DDAH1: variants seen among roughly 807,000 people sequenced by gnomAD.
DDAH1 encodes dimethylarginine dimethylaminohydrolase 1.
In DDAH1, 19 loss-of-function variants were observed where a neutral mutation model predicts 28.8. The observed-to-expected ratio is 0.66, with a 90% CI of 0.46 to 0.97. The LOEUF (loss-of-function observed/expected upper bound fraction) is 0.97, where lower values mean the gene tolerates loss of function less well. Ranked by LOEUF, DDAH1 falls within the 50% of genes least tolerant of loss-of-function variation. The pLI, the probability that DDAH1 is intolerant of heterozygous loss-of-function variation, is 0.00. For synonymous variants in DDAH1, 153 were observed against 154.4 expected (o/e 0.99, Z 0.07); for missense variants, 326 against 375.9 (o/e 0.87, Z 1.10).
chr1:85,444,449 T>A (rs1043803522), intron 1 of DDAH1, among the ~76,000 whole-genome samples: 4 of 152,174 alleles, frequency 2.6e-5, no homozygotes, highest in African/African-American at 7.2e-5. Context: ...TGCATTGATG[T>A]TCATCCAGGA....
chr1:85,416,260 GT>G (rs149735541), intron 1 of DDAH1, among the ~76,000 whole-genome samples: 123 of 150,738 alleles, frequency 8.2e-4, no homozygotes, highest in African/African-American at 2.9e-3. Flanking sequence ...GTTTTTTTGG[GT>G]TTTTTTTTGA....
At chr1:85,395,656 G>C (rs1651775102) in intron 1 of DDAH1, among the ~76,000 whole-genome samples, 1 of 144,108 alleles carries the variant, frequency 6.9e-6, no homozygotes, top group Non-Finnish European at 1.5e-5. Context: ...TAGGCAACAA[G>C]AGTGAGACTC....
chr1:85,492,737 A>T (rs1557688710), intron 2 of DDAH1, among the ~76,000 whole-genome samples: 1 of 152,202 alleles, frequency 6.6e-6, no homozygotes, highest in Non-Finnish European at 1.5e-5. Flanking sequence ...TAATTTTTGT[A>T]TAAGTTTAAC....
chr1:85,440,207 CA>C (rs1654128500), intron 1 of DDAH1, among the ~76,000 whole-genome samples: 1 of 152,140 alleles, frequency 6.6e-6, no homozygotes, highest in Non-Finnish European at 1.5e-5. Context: ...AACAAAATAT[CA>C]TTGCATAATT....
chr1:85,410,776 A>T (rs146174389), intron 1 of DDAH1, among the ~76,000 whole-genome samples: 8 of 152,376 alleles, frequency 5.3e-5, no homozygotes, highest in Non-Finnish European at 7.3e-5. Context: ...CCTAGTCCTA[A>T]GAATACTTTG....
At chr1:85,403,313 T>C (rs943759657) in intron 1 of DDAH1, among the ~76,000 whole-genome samples, 1 of 151,582 alleles carries the variant, frequency 6.6e-6, no homozygotes, top group African/African-American at 2.4e-5. Context: ...GTATGTAAAG[T>C]AAAACAGAAT....
intron 4 of DDAH1, among the ~76,000 whole-genome samples, chr1:85,340,028 G>C (rs1648376580): frequency 6.6e-6 from 1 of 152,150 alleles, no homozygotes; most frequent in Admixed American, 6.6e-5. Context: ...AACACTGCTA[G>C]AGATGGAAGG....
intron 1 of DDAH1, among the ~76,000 whole-genome samples, chr1:85,434,652 A>G (rs1210694970): frequency 3.3e-5 from 5 of 152,132 alleles, no homozygotes; most frequent in African/African-American, 1.2e-4. Context: ...TCAGCCTCCC[A>G]AAGTGGTGGG....
At chr1:85,542,899 C>A (rs1268912955) in intron 1 of DDAH1, among the ~76,000 whole-genome samples, 2 of 152,086 alleles carry the variant, frequency 1.3e-5, no homozygotes, top group Non-Finnish European at 2.9e-5. Context: ...ATTATGTTTC[C>A]TTTTTATAAT....
intron 2 of DDAH1, among the ~76,000 whole-genome samples, chr1:85,486,789 T>C (rs1656220597): frequency 1.3e-5 from 2 of 152,130 alleles, no homozygotes; most frequent in South Asian, 4.1e-4. Flanking sequence ...GCAATGAAAA[T>C]GGCATTTAAA....
intron 1 of DDAH1, among the ~76,000 whole-genome samples, chr1:85,394,808 ATAATCT>A (rs1452167144): frequency 2.0e-5 from 3 of 148,466 alleles, no homozygotes; most frequent in Non-Finnish European, 3.0e-5. Flanking sequence ...TCAAAGTAAC[ATAATCT>A]TAAAGTCATA....
intron 1 of DDAH1, among the ~76,000 whole-genome samples, chr1:85,405,137 TTCATACTACTGTA>T (rs1221487500): frequency 2.0e-5 from 3 of 152,194 alleles, no homozygotes; most frequent in Non-Finnish European, 4.4e-5. Flanking sequence ...TAGCTGCCAC[TTCATACTACTGTA>T]TCCTAACAGC....
intron 1 of DDAH1, among the ~76,000 whole-genome samples, chr1:85,506,790 A>G (rs984931734): frequency 3.9e-5 from 6 of 152,218 alleles, no homozygotes; most frequent in African/African-American, 9.6e-5. Context: ...GAAGCAAGGT[A>G]GAGAAATGGT....
At chr1:85,388,750 A>G (rs1651401314) in intron 1 of DDAH1, among the ~76,000 whole-genome samples, 1 of 152,172 alleles carries the variant, frequency 6.6e-6, no homozygotes, top group South Asian at 2.1e-4. Flanking sequence ...TCTCTGAAAA[A>G]TGTCACAAAG....
intron 1 of DDAH1, among the ~76,000 whole-genome samples, chr1:85,565,624 A>G (rs1659275182): frequency 6.6e-6 from 1 of 152,276 alleles, no homozygotes; most frequent in Non-Finnish European, 1.5e-5. Flanking sequence ...AAAAGCTAAA[A>G]GAATCCATTG....
In DDAH1 at chr1:85,320,409, C is replaced by T. The variant is rs887776812; in HGVS notation, c.*1043G>A. On this transcript the variant is annotated 3_prime_UTR_variant, in exon 6 of 6. Transcript: ENST00000284031. ...TAGACTACCAGTAATTATTTTCAGA[C>T]ATGATGTCTCTTTTGAAAGAAATGA... The T allele has an allele frequency of 2.6e-5, 4 of 152,170 alleles. No individual in the cohort carries two copies. The highest frequency in any genetic ancestry group is 2.1e-4 in the South Asian group (1 of 4,826). 9.4% of individuals were successfully genotyped at this position (152,170 alleles called of 1,614,324 possible).
intron 1 of DDAH1, among the ~76,000 whole-genome samples, chr1:85,573,690 A>G (rs1451384950): frequency 6.6e-6 from 1 of 152,240 alleles, no homozygotes; most frequent in Non-Finnish European, 1.5e-5. Flanking sequence ...TCATCAATTC[A>G]GGGGGACAGG....
At chr1:85,551,595 A>C (rs1880209) in intron 1 of DDAH1, among the ~76,000 whole-genome samples, 28,841 of 152,266 alleles carry the variant, frequency 0.19, 2,960 homozygotes, top group Middle Eastern at 0.26. Flanking sequence ...CCTATGAGAG[A>C]CATTAGTGAT....
intron 4 of DDAH1, among the ~76,000 whole-genome samples, chr1:85,349,850 G>A (rs1366897447): frequency 6.6e-6 from 1 of 152,154 alleles, no homozygotes. Context: ...TGATTTAGCC[G>A]TGTGACCTGG....
Sources: allele counts gnomAD v4.1 joint callset (sites outside exome capture counted in the v4.1 genomes callset), GRCh38; gene constraint gnomAD v4.1.1; transcripts MANE v1.5; gene names NCBI Gene and HGNC (gene_info 2026-07-23, HGNC 2026-07-21).